The following PSD3 variants were observed in gnomAD, a reference collection of about 807,000 sequenced individuals.
PSD3 encodes the protein pleckstrin and Sec7 domain containing 3.
Under a neutral mutation model 105.5 loss-of-function variants are expected in PSD3, and 49 were observed. The ratio of observed to expected loss-of-function variants is 0.46; its 90% CI spans 0.37 to 0.59. The LOEUF (loss-of-function observed/expected upper bound fraction) is 0.59, where lower values mean the gene tolerates loss of function less well. PSD3 is among the 20% of genes least tolerant of loss of function. PSD3 has a pLI of 0.00. For synonymous variants in PSD3, 557 were observed against 457.8 expected (o/e 1.22, Z -2.77); for missense variants, 1,561 against 1,263.8 (o/e 1.24, Z -3.57).
At chr8:18,540,688 C>T (rs1800105388) in intron 15 of PSD3, among the ~76,000 whole-genome samples, 1 of 152,136 alleles carries the variant, frequency 6.6e-6, no homozygotes, top group African/African-American at 2.4e-5. Flanking sequence ...CTCCCTGTTC[C>T]CTCCTTGCCC....
chr8:18,755,915 A>C (rs1377029151), intron 9 of PSD3, among the ~76,000 whole-genome samples: 1 of 152,156 alleles, frequency 6.6e-6, no homozygotes, highest in Non-Finnish European at 1.5e-5. Flanking sequence ...TCGAAAGCGA[A>C]AGCAGGCTGC....
At chr8:18,949,692 T>C (rs1049137492) in intron 1 of PSD3, among the ~76,000 whole-genome samples, 9 of 151,958 alleles carry the variant, frequency 5.9e-5, no homozygotes, top group African/African-American at 2.2e-4. Context: ...TGTTAATAAA[T>C]GAATATTATG....
Position 18,611,755 on chromosome 8 carries a change from A to G in PSD3, c.2411-11321T>C, listed in dbSNP as rs890184900. 2.2e-5 allele frequency among the ~76,000 whole-genome samples: 3 copies of G among 139,466 alleles called. No individual in the cohort carries two copies. In the South Asian group the frequency reaches 8.0e-4, roughly 37 times the overall value. The allele number at this position is 139,466 out of a possible 152,430, so 91.5% of individuals were successfully genotyped here. ...TTTATTAGAGCCTTAAGGGAATGTG[A>G]TTAAGGGACCTGGATGGATCACATT... On this transcript the variant is annotated intron_variant, in intron 11 of 15. Transcript: ENST00000327040.
chr8:18,708,878 G>A (rs940758700), intron 9 of PSD3, among the ~76,000 whole-genome samples: 1 of 152,142 alleles, frequency 6.6e-6, no homozygotes, highest in Admixed American at 6.5e-5. Context: ...GAGCCACACG[G>A]GGTAAGAGGA....
chr8:19,006,191 G>A lies in PSD3; in HGVS notation c.21+7372C>T, dbSNP rs187217861. Among the ~76,000 whole-genome samples, 329 of 151,328 alleles carry A rather than the reference G, an allele frequency of 2.2e-3. 3 individuals carry two copies. The highest frequency in any genetic ancestry group is 4.1e-3 in the Non-Finnish European group (281 of 67,754). On this transcript the variant is annotated intron_variant, in intron 1 of 15. Transcript: ENST00000327040. ...GCCTGTAATCTCAGCTACTCGGGAG[G>A]TGGAGGGAGGAGAATCACTTGAACC... is the stretch of plus-strand genomic sequence containing the variant.
intron 9 of PSD3, among the ~76,000 whole-genome samples, chr8:18,670,140 C>G (rs968644040): frequency 1.3e-5 from 2 of 152,082 alleles, no homozygotes; most frequent in African/African-American, 4.8e-5. Context: ...CAGAGAAGGC[C>G]TCTGGGCAAG....
chr8:18,741,183 C>T (rs1009633308), intron 9 of PSD3, among the ~76,000 whole-genome samples: 9 of 152,126 alleles, frequency 5.9e-5, no homozygotes, highest in South Asian at 2.1e-4. Context: ...CTTACAGGTA[C>T]GAGTTACGGT....
chr8:18,655,245 C>A (rs980268760), intron 10 of PSD3, among the ~76,000 whole-genome samples: 4 of 149,526 alleles, frequency 2.7e-5, no homozygotes, highest in South Asian at 2.1e-4. Flanking sequence ...AGGAGAATGG[C>A]GTGAACCCGG....
chr8:18,890,091 T>C (rs146226674), intron 2 of PSD3, among the ~76,000 whole-genome samples: 160 of 152,316 alleles, frequency 1.1e-3, no homozygotes, highest in East Asian at 7.7e-3. Context: ...TATCGAGTTT[T>C]ATTATCATAA....
chr8:18,844,876 A>G (rs576701344), intron 4 of PSD3, among the ~76,000 whole-genome samples: 12 of 152,182 alleles, frequency 7.9e-5, no homozygotes, highest in Non-Finnish European at 1.6e-4. Flanking sequence ...TGACATCACT[A>G]CAGCGCTGGG....
chr8:18,923,279 A>G (rs1821151776), intron 2 of PSD3, among the ~76,000 whole-genome samples: 2 of 152,216 alleles, frequency 1.3e-5, no homozygotes, highest in African/African-American at 4.8e-5. Context: ...CATGTGGCCC[A>G]TGGGCTGTGG....
chr8:18,935,237 G>C (rs1822030785), intron 2 of PSD3, among the ~76,000 whole-genome samples: 1 of 152,094 alleles, frequency 6.6e-6, no homozygotes, highest in African/African-American at 2.4e-5. Context: ...TCTAGTTCCA[G>C]AAGACTAAAT....
rs1046152899 is a variant in PSD3 at position 18,932,677 on chromosome 8, T to A, written c.130+3357A>T. ...TTCCTCACCTACTTATTTTTAAAAG[T>A]CTGTAAACTCTTCAACTTGCCTTAG... On this transcript the variant is annotated intron_variant, in intron 2 of 15. Transcript: ENST00000327040. 4.6e-5 allele frequency among the ~76,000 whole-genome samples: 7 copies of A among 152,322 alleles called. 1 individual carries two copies. The highest frequency in any genetic ancestry group is 2.0e-4 in the Admixed American group (3 of 15,298).
intron 1 of PSD3, among the ~76,000 whole-genome samples, chr8:18,959,196 C>G (rs148421191): frequency 6.6e-6 from 1 of 152,286 alleles, no homozygotes; most frequent in East Asian, 1.9e-4. Context: ...GCTGGGATTA[C>G]GGGCGTGAGC....
chr8:18,598,410 T>TA (rs1211306767), intron 12 of PSD3, among the ~76,000 whole-genome samples: 319 of 1,406 alleles, frequency 0.23, 120 homozygotes, highest in Non-Finnish European at 0.5. Context: ...TAGAGTATAA[T>TA]AAAAAAAAAA....
At chr8:18,665,928 C>A (rs1265330352) in intron 9 of PSD3, among the ~76,000 whole-genome samples, 1 of 152,224 alleles carries the variant, frequency 6.6e-6, no homozygotes, top group Non-Finnish European at 1.5e-5. Context: ...TCATATCAAC[C>A]TTCAGCAGCC....
chr8:18,808,610 G>T, intron 4 of PSD3: 1 of 1,120,476 alleles, frequency 8.9e-7, no homozygotes, highest in Non-Finnish European at 1.3e-6. Context: ...TTCAGTAAAA[G>T]GAGAAAATAA....
At chr8:18,957,325 C>CA (rs1823637023) in intron 1 of PSD3, among the ~76,000 whole-genome samples, 1 of 150,402 alleles carries the variant, frequency 6.6e-6, no homozygotes, top group African/African-American at 2.5e-5. Context: ...GAGCGGAGAT[C>CA]ACGTCACTGC....
At chr8:18,970,306 C>A (rs1172338656) in intron 1 of PSD3, among the ~76,000 whole-genome samples, 1 of 101,294 alleles carries the variant, frequency 9.9e-6, no homozygotes, top group African/African-American at 4.0e-5. Flanking sequence ...GCCTGGGCGA[C>A]AGAGCAAGAC....
Sources: allele counts gnomAD v4.1 joint callset (sites outside exome capture counted in the v4.1 genomes callset), GRCh38; gene constraint gnomAD v4.1.1; transcripts MANE v1.5; gene names NCBI Gene and HGNC (gene_info 2026-07-23, HGNC 2026-07-21).